The following HNRNPM variants were observed in gnomAD, a reference collection of about 807,000 sequenced individuals.
HNRNPM encodes the protein heterogeneous nuclear ribonucleoprotein M.
A neutral mutation model predicts 73.1 loss-of-function variants in HNRNPM; 11 were observed. The ratio of observed to expected loss-of-function variants is 0.15; its 90% CI spans 0.09 to 0.25. HNRNPM has a LOEUF of 0.25. Among genes scored for constraint, HNRNPM ranks in the 10% least tolerant of loss-of-function variants. The pLI, the probability that HNRNPM is intolerant of heterozygous loss-of-function variation, is 1.00. For missense variants in HNRNPM, 789 were observed against 1,067.9 expected (o/e 0.74, Z 3.64); for synonymous variants, 407 against 355.2 (o/e 1.15, Z -1.64).
chr19:8,460,812 A>G (rs1208138369), intron 2 of HNRNPM, among the ~76,000 whole-genome samples: 1 of 152,198 alleles, frequency 6.6e-6, no homozygotes, highest in Non-Finnish European at 1.5e-5. Flanking sequence ...GTAGGAAATC[A>G]ACTTGGGGCC....
Position 8,462,484 on chromosome 19 carries a change from G to A in HNRNPM, c.284-45G>A. On this transcript the variant is annotated intron_variant, in intron 2 of 15. Coordinates refer to ENST00000325495, the MANE Select transcript of HNRNPM (RefSeq NM_005968.5). The surrounding 1 kb of genome is among the most constrained non-coding windows in gnomAD (Gnocchi z 4.5). ...GTTCTAAATTCCCATTGTTTTCTTG[G>A]CTTTTCTCCCTTGGTTTATGTGTCG... 1 of 1,546,280 alleles carries A rather than the reference G, an allele frequency of 6.5e-7. No homozygotes were observed. The highest frequency in any genetic ancestry group is 1.4e-5 in the African/African-American group (1 of 73,638).
Position 8,462,686 on chromosome 19 carries a change from TA to T in HNRNPM, c.336+106del. The T allele has an allele frequency of 1.1e-6, 1 of 944,000 alleles. No homozygotes were observed. The allele number at this position is 944,000 out of a possible 1,614,324, so 58.5% of individuals were successfully genotyped here. A position where few individuals can be genotyped will look rare whatever the true frequency, so the allele number is the denominator to read the frequency against. On this transcript the variant is annotated intron_variant, in intron 3 of 15. Transcript: ENST00000325495. This position sits in a 1 kb window ranked among gnomAD's most constrained non-coding sequence, Gnocchi z 4.5. ...TCAGGAAGGCAGTGAGTGCTCATGT[TA>T]CAGTAGCTATGTTTGATTTTGCCAA...
intron 2 of HNRNPM, among the ~76,000 whole-genome samples, chr19:8,456,650 C>T (rs1188932830): frequency 6.6e-6 from 1 of 152,156 alleles, no homozygotes; most frequent in Non-Finnish European, 1.5e-5. Flanking sequence ...TACTGGTGCT[C>T]CCTGCATTGG....
chr19:8,468,936 TCAGTTCTCTTGGC>T, intron 9 of HNRNPM, 102 bp downstream of exon 9: 1 of 905,734 alleles, frequency 1.1e-6, no homozygotes, highest in South Asian at 1.3e-5. Flanking sequence ...AGGTTAGCCC[TCAGTTCTCTTGGC>T]CAGTTCTTTT....
intron 12 of HNRNPM, among the ~76,000 whole-genome samples, chr19:8,475,718 A>G (rs1341596117): frequency 1.3e-5 from 2 of 152,312 alleles, no homozygotes; most frequent in African/African-American, 2.4e-5. Flanking sequence ...TTGTGTGTGC[A>G]TGGGATTTTA....
chr19:8,486,100 A>G lies in HNRNPM; in HGVS notation c.1672A>G (p.Met558Val), dbSNP rs1257051393. 8.1e-6 allele frequency: 13 copies of G among 1,605,132 alleles called. No individual in the cohort carries two copies. The highest frequency in any genetic ancestry group is 1.3e-5 in the African/African-American group (1 of 74,148). ...TCGCATGGCCACCGGCCTGGAGCGC[A>G]TGGGCGCCAACAATCTGGAGCGGAT... ...MDRMATGLER[M>V]GANNLERMGL... is the part of the protein sequence containing the mutation. The change falls in exon 14 of 16, where the codon ATG becomes GTG. Residue 558 changes from methionine to valine, a missense_variant. This residue lies in a region of HNRNPM where 604 missense variants were observed against 744.0 expected (regional missense o/e 0.81). Transcript: ENST00000325495.
At chr19:8,487,223 G>T in intron 15 of HNRNPM, 148 bp downstream of exon 15, 2 of 731,426 alleles carry the variant, frequency 2.7e-6, no homozygotes, top group Admixed American at 1.9e-5. Context: ...GCTCAGGCAG[G>T]TTGTTGAGTG....
At chr19:8,476,936 G>A (rs1245401681) in intron 12 of HNRNPM, among the ~76,000 whole-genome samples, 1 of 142,048 alleles carries the variant, frequency 7.0e-6, no homozygotes, top group Non-Finnish European at 1.5e-5. Context: ...GCACCCATGA[G>A]GAGCATGCTG....
chr19:8,458,114 G>A (rs916535682), intron 2 of HNRNPM, among the ~76,000 whole-genome samples: 2 of 151,726 alleles, frequency 1.3e-5, no homozygotes, highest in Non-Finnish European at 2.9e-5. Flanking sequence ...CCCAAGAGGG[G>A]AGCTTTTTTT....
intron 2 of HNRNPM, among the ~76,000 whole-genome samples, chr19:8,457,626 CTT>C (rs1969110904): frequency 1.3e-5 from 2 of 152,234 alleles, no homozygotes; most frequent in Middle Eastern, 6.8e-3. Context: ...GAAAGGTAAT[CTT>C]TTTATGATAA....
At chr19:8,467,487 T>C (rs1969835431) in intron 7 of HNRNPM, 48 bp from the exon 8 acceptor site, 1 of 1,407,040 alleles carries the variant, frequency 7.1e-7, no homozygotes, top group Non-Finnish European at 1.0e-6. Flanking sequence ...GTATTTCTCT[T>C]GTGCACATTT....
At chr19:8,464,858 T>G (rs930376689) in intron 5 of HNRNPM, among the ~76,000 whole-genome samples, 2 of 152,126 alleles carry the variant, frequency 1.3e-5, no homozygotes, top group African/African-American at 4.8e-5. Flanking sequence ...CACACACGCC[T>G]CCAACACCTG....
Position 8,462,196 on chromosome 19 carries a change from C to G in HNRNPM, c.284-333C>G, listed in dbSNP as rs1447642209. On this transcript the variant is annotated intron_variant, in intron 2 of 15. Transcript: ENST00000325495. This position sits in a 1 kb window ranked among gnomAD's most constrained non-coding sequence, Gnocchi z 4.5. ...GTATGTGTAAAACCTCCTCCCTTCC[C>G]CAGAAAAGTAAATCACGCAGACTTC... The G allele has an allele frequency of 2.2e-5, 6 of 272,866 alleles. No individual in the cohort carries two copies. The highest frequency in any genetic ancestry group is 4.3e-5 in the Non-Finnish European group (6 of 139,714). The allele number at this position is 272,866 out of a possible 1,614,324, so 16.9% of individuals were successfully genotyped here. A position where few individuals can be genotyped will look rare whatever the true frequency, so the allele number is the denominator to read the frequency against.
At chr19:8,477,843 G>A (rs1010623092) in intron 12 of HNRNPM, among the ~76,000 whole-genome samples, 2 of 152,228 alleles carry the variant, frequency 1.3e-5, no homozygotes, top group African/African-American at 4.8e-5. Context: ...CTGTATTAGA[G>A]GATGGGCTTC....
At chr19:8,465,116 CT>C (rs1969655857) in intron 5 of HNRNPM, among the ~76,000 whole-genome samples, 1 of 152,302 alleles carries the variant, frequency 6.6e-6, no homozygotes, top group Admixed American at 6.5e-5. Context: ...TAGTGCTACA[CT>C]TCATGCCTTT....
chr19:8,466,476 G>A, intron 7 of HNRNPM, 88 bp downstream of exon 7: 3 of 1,312,460 alleles, frequency 2.3e-6, no homozygotes, highest in East Asian at 2.3e-5. Flanking sequence ...AGAGGTGACT[G>A]TGTGTATTCA....
chr19:8,472,004 C>A (rs947591270), intron 10 of HNRNPM, among the ~76,000 whole-genome samples: 7 of 152,050 alleles, frequency 4.6e-5, no homozygotes, highest in Non-Finnish European at 1.0e-4. Context: ...AACCCCATCT[C>A]TACTAAAAAT....
chr19:8,455,364 A>G (rs777764647), intron 1 of HNRNPM, 41 bp from the exon 2 acceptor site: 15 of 1,539,278 alleles, frequency 9.7e-6, no homozygotes, highest in East Asian at 2.2e-5. Flanking sequence ...TTGTGCTGAC[A>G]TATAAACCCT....
intron 11 of HNRNPM, 24 bp from the exon 12 acceptor site, chr19:8,474,143 C>A (rs1254928290): frequency 1.3e-6 from 2 of 1,550,880 alleles, no homozygotes; most frequent in Non-Finnish European, 1.7e-6. Flanking sequence ...TTGGATGATG[C>A]TGAAATGTGA....
Sources: gnomAD v4.1 joint callset for allele counts (sites outside exome capture counted in the v4.1 genomes callset) on GRCh38, gnomAD v4.1.1 for gene constraint, gnomAD v4.1.1 regional missense constraint, Gnocchi (gnomAD v3.1) non-coding constraint, MANE v1.5 for transcripts, NCBI Gene and HGNC (gene_info 2026-07-23, HGNC 2026-07-21) for gene names.